Variants in HS3ST1 observed in about 807,000 individuals in gnomAD.
HS3ST1 encodes heparan sulfate glucosamine 3-O-sulfotransferase 1.
Under a neutral mutation model 20.7 loss-of-function variants are expected in HS3ST1, and 8 were observed. The observed-to-expected ratio is 0.39, with a 90% CI of 0.23 to 0.70. The LOEUF (loss-of-function observed/expected upper bound fraction) is 0.70, where lower values mean the gene tolerates loss of function less well. HS3ST1 is among the 30% of genes least tolerant of loss of function. HS3ST1 has a pLI of 0.46. For missense variants in HS3ST1, 436 were observed against 423.4 expected (o/e 1.03, Z -0.26); for synonymous variants, 205 against 190.4 (o/e 1.08, Z -0.63).
At chr4:11,410,841 A>C (rs1006603966) in intron 1 of HS3ST1, among the ~76,000 whole-genome samples, 3 of 152,158 alleles carry the variant, frequency 2.0e-5, no homozygotes, top group Non-Finnish European at 4.4e-5. Flanking sequence ...GCAGTGAGCC[A>C]AGATCACACC....
chr4:11,399,805 C>A lies in HS3ST1; in HGVS notation c.201G>T (p.Thr67=). The A allele has an allele frequency of 1.2e-6, 2 of 1,613,140 alleles. No homozygotes were observed. Among genetic ancestry groups the A allele is most frequent in the Non-Finnish European group, 1.7e-6 (2 of 1,179,814 alleles). ...GGCTGAGCATCTCCAGCAGTGCGCG[C>A]GTGCCGCCCTTGCGCACGCCGATGA... ...TIIIGVRKGG[T]RALLEMLSLH... The change falls in exon 2 of 2, where the codon ACG becomes ACT. Residue 67 remains threonine (T), a synonymous_variant. Transcript: ENST00000002596. The surrounding 1 kb of genome is among the most constrained non-coding windows in gnomAD (Gnocchi z 5.1).
At chr4:11,415,244 G>C (rs1336741800) in intron 1 of HS3ST1, among the ~76,000 whole-genome samples, 1 of 152,206 alleles carries the variant, frequency 6.6e-6, no homozygotes, top group Non-Finnish European at 1.5e-5. Flanking sequence ...AAAGATCAAA[G>C]CAATCATGTT....
At chr4:11,416,904 A>G (rs575047008) in intron 1 of HS3ST1, among the ~76,000 whole-genome samples, 13 of 152,362 alleles carry the variant, frequency 8.5e-5, no homozygotes, top group African/African-American at 2.9e-4. Flanking sequence ...CTCTTAAAGA[A>G]TGATACAGTC....
chr4:11,432,146 A>T (rs535359768), upstream of HS3ST1, among the ~76,000 whole-genome samples: 92 of 152,208 alleles, frequency 6.0e-4, no homozygotes, highest in Non-Finnish European at 9.1e-4. Context: ...GTAATAGGAG[A>T]CGGGAGGTCA....
At chr4:11,400,226 G>T in intron 1 of HS3ST1, 113 bp from the exon 2 acceptor site, 1 of 897,286 alleles carries the variant, frequency 1.1e-6, no homozygotes, top group Non-Finnish European at 1.6e-6. Flanking sequence ...AGGACTCTCA[G>T]TTTCTTATCC....
chr4:11,417,910 C>A (rs1226536318), intron 1 of HS3ST1, among the ~76,000 whole-genome samples: 1 of 152,208 alleles, frequency 6.6e-6, no homozygotes, highest in Non-Finnish European at 1.5e-5. Flanking sequence ...CAAGAGGGAT[C>A]AATTCAGAGT....
rs746103348 is a variant in HS3ST1, at chr4:11,399,658, T to C, written c.348A>G (p.Thr116=). The part of the protein sequence containing the change: ...QMPFSWPHQL[T]VEKTPAYFTS... ...TGAAATACGCGGGGGTCTTCTCCAC[T>C]GTGAGCTGGTGTGGCCAGGAGAAGG... The change falls in exon 2 of 2, where the codon ACA becomes ACG. Residue 116 remains threonine (T), a synonymous_variant. Transcript: ENST00000002596. This position sits in a 1 kb window ranked among gnomAD's most constrained non-coding sequence, Gnocchi z 5.1. 9.9e-6 allele frequency: 16 copies of C among 1,613,782 alleles called. No homozygotes were observed. Among genetic ancestry groups the C allele is most frequent in the African/African-American group, 5.3e-5 (4 of 74,930 alleles).
chr4:11,405,055 G>A (rs904712214), intron 1 of HS3ST1, among the ~76,000 whole-genome samples: 2 of 152,238 alleles, frequency 1.3e-5, no homozygotes, highest in African/African-American at 2.4e-5. Flanking sequence ...TAGTGAGCAA[G>A]TTATTAATGA....
chr4:11,409,645 T>C (rs1009406821), intron 1 of HS3ST1, among the ~76,000 whole-genome samples: 1 of 152,234 alleles, frequency 6.6e-6, no homozygotes, highest in Non-Finnish European at 1.5e-5. Flanking sequence ...GAGAAATAAA[T>C]ATCTATTGTT....
intron 1 of HS3ST1, among the ~76,000 whole-genome samples, chr4:11,427,342 T>A (rs1392536229): frequency 6.6e-6 from 1 of 151,688 alleles, no homozygotes; most frequent in Non-Finnish European, 1.5e-5. Flanking sequence ...GCCGAGCTGG[T>A]GGTGGCGGGG....
intron 1 of HS3ST1, among the ~76,000 whole-genome samples, chr4:11,401,563 C>G (rs1322468365): frequency 6.6e-6 from 1 of 152,122 alleles, no homozygotes; most frequent in Non-Finnish European, 1.5e-5. Flanking sequence ...AGGCTGGTCT[C>G]GAAATCCCAC....
intron 1 of HS3ST1, among the ~76,000 whole-genome samples, chr4:11,410,746 G>C (rs1718603140): frequency 6.6e-6 from 1 of 152,104 alleles, no homozygotes; most frequent in Non-Finnish European, 1.5e-5. Flanking sequence ...ACAAAAATTA[G>C]CCAGGCGTGG....
intron 1 of HS3ST1, among the ~76,000 whole-genome samples, chr4:11,402,691 T>C (rs939464738): frequency 6.6e-6 from 1 of 152,174 alleles, no homozygotes; most frequent in Admixed American, 6.5e-5. Context: ...ATCTTATAGT[T>C]CCATGTTCAG....
upstream of HS3ST1, among the ~76,000 whole-genome samples, chr4:11,431,494 C>T (rs553564958): frequency 6.6e-6 from 1 of 152,234 alleles, no homozygotes; most frequent in East Asian, 1.9e-4. Flanking sequence ...CTTTATTGAG[C>T]ACCTAGTATG....
upstream of HS3ST1, among the ~76,000 whole-genome samples, chr4:11,433,691 C>CT (rs57083911): frequency 0.047 from 7,192 of 152,122 alleles, 370 homozygotes; most frequent in African/African-American, 0.13. Flanking sequence ...AAAAAGTTTT[C>CT]CTCCTGGCAG....
chr4:11,423,343 C>T (rs188642529), intron 1 of HS3ST1, among the ~76,000 whole-genome samples: 1 of 152,280 alleles, frequency 6.6e-6, no homozygotes, highest in African/African-American at 2.4e-5. Flanking sequence ...ACCCAGGATA[C>T]AATCAAACTC....
At chr4:11,401,269 T>G (rs1368621420) in intron 1 of HS3ST1, among the ~76,000 whole-genome samples, 1 of 152,036 alleles carries the variant, frequency 6.6e-6, no homozygotes, top group East Asian at 1.9e-4. Flanking sequence ...CTATTGATAA[T>G]GTGGTCTCAT....
At position 11,394,734 on chromosome 4, in the gene HS3ST1, A is replaced by G. The variant is rs1255121699; in HGVS notation, c.*4348T>C. On this transcript the variant is annotated 3_prime_UTR_variant, in exon 2 of 2. Coordinates refer to ENST00000002596, the MANE Select transcript of HS3ST1 (RefSeq NM_005114.4). ...AGATGGACTGAAAAGGAGCAGAGAC[A>G]TCGGAGACAAAATTTCATTTGTAAG... 1.3e-5 allele frequency: 2 copies of G among 152,358 alleles called. No homozygotes were observed. Among genetic ancestry groups the G allele is most frequent in the Admixed American group, 1.3e-4 (2 of 15,310 alleles). 9.4% of individuals were successfully genotyped at this position (152,358 alleles called of 1,614,324 possible). A position where few individuals can be genotyped will look rare whatever the true frequency, so the allele number is the denominator to read the frequency against.
chr4:11,403,594 G>A (rs750550809), intron 1 of HS3ST1, among the ~76,000 whole-genome samples: 7 of 152,154 alleles, frequency 4.6e-5, no homozygotes, highest in Non-Finnish European at 7.3e-5. Context: ...CCGAGTAAGT[G>A]GTTGTAATGT....
Sources: allele counts gnomAD v4.1 joint callset (sites outside exome capture counted in the v4.1 genomes callset), GRCh38; gene constraint gnomAD v4.1.1; non-coding constraint Gnocchi (gnomAD v3.1); transcripts MANE v1.5; gene names NCBI Gene and HGNC (gene_info 2026-07-23, HGNC 2026-07-21).